SLC44A1: variants seen among roughly 807,000 people sequenced by gnomAD.
SLC44A1 encodes solute carrier family 44 member 1, also known as choline transporter-like protein 1.
Under a neutral mutation model 79.3 loss-of-function variants are expected in SLC44A1, and 26 were observed. The observed-to-expected ratio is 0.33, with a 90% CI of 0.24 to 0.46. The LOEUF (loss-of-function observed/expected upper bound fraction) is 0.46. Among genes scored for constraint, SLC44A1 ranks in the 20% least tolerant of loss-of-function variants. SLC44A1 has a pLI of 1.00. For synonymous variants in SLC44A1, 263 were observed against 286.2 expected, an observed-to-expected ratio of 0.92 and a Z score of 0.82; for missense variants, 688 against 798.1, an observed-to-expected ratio of 0.86 and a Z score of 1.66.
chr9:105,293,886 A>C (rs1272652832), intron 1 of SLC44A1, among the ~76,000 whole-genome samples: 1 of 152,208 alleles, frequency 6.6e-6, no homozygotes, highest in East Asian at 1.9e-4. Context: ...CTCATGGTGA[A>C]TGTGGAGTCT....
chr9:105,304,629 T>A (rs1311142850), intron 2 of SLC44A1, among the ~76,000 whole-genome samples: 1 of 152,158 alleles, frequency 6.6e-6, no homozygotes, highest in Non-Finnish European at 1.5e-5. Context: ...ATAATAGTTT[T>A]GAAGAGGAAG....
At chr9:105,421,207 A>T (rs931875373) in intron 15 of SLC44A1, among the ~76,000 whole-genome samples, 1 of 152,208 alleles carries the variant, frequency 6.6e-6, no homozygotes, top group Non-Finnish European at 1.5e-5. Flanking sequence ...TTAATATTTT[A>T]TGAATTAGAT....
intron 15 of SLC44A1, among the ~76,000 whole-genome samples, chr9:105,406,116 G>A (rs769806776): frequency 2.0e-5 from 3 of 152,110 alleles, no homozygotes; most frequent in Admixed American, 6.5e-5. Flanking sequence ...GCAAAGACTG[G>A]AAGGTGATCT....
intron 1 of SLC44A1, among the ~76,000 whole-genome samples, chr9:105,255,605 T>C (rs548006017): frequency 3.9e-4 from 60 of 152,354 alleles, no homozygotes; most frequent in African/African-American, 1.4e-3. Context: ...CATTGCCAAC[T>C]AAATGGTCCT....
chr9:105,307,485 G>T (rs979169169), intron 2 of SLC44A1, among the ~76,000 whole-genome samples: 4 of 151,954 alleles, frequency 2.6e-5, no homozygotes, highest in African/African-American at 9.7e-5. Flanking sequence ...GTCTACTAAA[G>T]ATACAAAAAT....
chr9:105,399,559 A>G (rs371684115), downstream of SLC44A1, among the ~76,000 whole-genome samples: 38 of 152,354 alleles, frequency 2.5e-4, 1 homozygote, highest in African/African-American at 8.9e-4. Context: ...GCTATGTAAG[A>G]ATCCCAGGCT....
At position 105,392,403 on chromosome 9, in the gene SLC44A1, C is replaced by CTCT. The variant is rs1333239682; in HGVS notation, c.*3348_*3349insCTT. 3 of 536,876 alleles carry CTCT rather than the reference C, an allele frequency of 5.6e-6. No individual in the cohort carries two copies. The African/African-American group carries it at 1.3e-4, about 23-fold the overall frequency. 33.3% of individuals were successfully genotyped at this position (536,876 alleles called of 1,614,324 possible). The stretch of plus-strand genomic sequence containing the variant: ...GTAGAGATGCTCTCTCTCTCTCTCT[C>CTCT]TTTTTTTTTTTTTTTTTTTTTTTTT... On this transcript the variant is annotated 3_prime_UTR_variant, in exon 16 of 16. Coordinates refer to ENST00000374720, the MANE Select transcript of SLC44A1 (RefSeq NM_080546.5).
chr9:105,332,118 CTTTTTTTTTT>C (rs34173274), intron 3 of SLC44A1, among the ~76,000 whole-genome samples: 1 of 128,242 alleles, frequency 7.8e-6, no homozygotes, highest in Non-Finnish European at 1.7e-5. Context: ...TTCTTTGTTT[CTTTTTTTTTT>C]TTTTTTTTTG....
intron 3 of SLC44A1, among the ~76,000 whole-genome samples, chr9:105,319,292 G>T (rs575818233): frequency 1.3e-5 from 2 of 152,226 alleles, no homozygotes; most frequent in South Asian, 2.1e-4. Context: ...CATGGTTATG[G>T]TTTATTTTTA....
At chr9:105,403,060 T>C (rs1828979069) in intron 15 of SLC44A1, among the ~76,000 whole-genome samples, 1 of 137,058 alleles carries the variant, frequency 7.3e-6, no homozygotes, top group Non-Finnish European at 1.5e-5. Flanking sequence ...ATTCAAGCAA[T>C]CTTCCCAACT....
At chr9:105,285,619 T>C (rs1465919326) in intron 1 of SLC44A1, among the ~76,000 whole-genome samples, 1 of 152,110 alleles carries the variant, frequency 6.6e-6, no homozygotes, top group African/African-American at 2.4e-5. Context: ...GGTTTTGGGA[T>C]AGGTGGTGGA....
intron 3 of SLC44A1, among the ~76,000 whole-genome samples, chr9:105,332,154 C>G (rs2131352617): frequency 7.3e-6 from 1 of 137,898 alleles, no homozygotes; most frequent in East Asian, 2.1e-4. Flanking sequence ...CAGTCTCGCT[C>G]TGTTGCCCAG....
rs376506650 is a variant in SLC44A1, at chr9:105,289,757, T to C, written c.37-9463T>C. On this transcript the variant is annotated intron_variant, in intron 1 of 15. Transcript: ENST00000374720. ...ATTTGCTATATTATGATCAGTGCAA[T>C]CTTTATGTTACTTCTGTATAAGTCA... 2.0e-5 allele frequency among the ~76,000 whole-genome samples: 3 copies of C among 152,154 alleles called. No homozygotes were observed. The East Asian group carries it at 5.8e-4, about 29-fold the overall frequency.
chr9:105,414,411 T>G (rs979750002), intron 15 of SLC44A1, among the ~76,000 whole-genome samples: 1 of 152,316 alleles, frequency 6.6e-6, no homozygotes. Flanking sequence ...TTCATTAAAG[T>G]TCCTAAGAAT....
rs1370666673 is a variant in SLC44A1 at position 105,395,588 on chromosome 9, T to C, written c.*6532T>C. ...CACTGGTGGAAATTCCCATGTTGGA[T>C]AGAAAAGGGCGTAAGTCCAGTCTAA... On this transcript the variant is annotated 3_prime_UTR_variant, in exon 16 of 16. Coordinates refer to ENST00000374720, the MANE Select transcript of SLC44A1 (RefSeq NM_080546.5). The C allele has an allele frequency of 1.0e-5, 10 of 985,284 alleles. No individual in the cohort carries two copies. The Admixed American group carries it at 6.1e-4, about 61-fold the overall frequency. The allele number at this position is 985,284 out of a possible 1,614,324, so 61.0% of individuals were successfully genotyped here.
intron 15 of SLC44A1, among the ~76,000 whole-genome samples, chr9:105,436,788 C>G (rs1829468801): frequency 6.6e-6 from 1 of 152,096 alleles, no homozygotes. Context: ...GTGGCACGTA[C>G]TAAAATCTCA....
At chr9:105,282,733 G>A (rs1830384687) in intron 1 of SLC44A1, among the ~76,000 whole-genome samples, 1 of 151,992 alleles carries the variant, frequency 6.6e-6, no homozygotes, top group Non-Finnish European at 1.5e-5. Context: ...ATTTTTAGTA[G>A]AGACGGGGTT....
intron 1 of SLC44A1, among the ~76,000 whole-genome samples, chr9:105,297,170 T>G (rs1830746007): frequency 6.6e-6 from 1 of 152,192 alleles, no homozygotes; most frequent in African/African-American, 2.4e-5. Context: ...GCTAACTGGT[T>G]GTGTTTTTTG....
At chr9:105,247,983 T>C (rs1158403825) in intron 1 of SLC44A1, among the ~76,000 whole-genome samples, 1 of 152,204 alleles carries the variant, frequency 6.6e-6, no homozygotes, top group African/African-American at 2.4e-5. Context: ...TGCAAAATTG[T>C]TCAAGGTTTT....
Sources: gnomAD v4.1 joint callset for allele counts (sites outside exome capture counted in the v4.1 genomes callset) on GRCh38, gnomAD v4.1.1 for gene constraint, MANE v1.5 for transcripts, NCBI Gene and HGNC (gene_info 2026-07-23, HGNC 2026-07-21) for gene names.